The following PPARGC1A variants were observed in gnomAD, a reference collection of about 807,000 sequenced individuals.
The protein encoded by PPARGC1A is PPARG coactivator 1 alpha, also known as peroxisome proliferator-activated receptor gamma coactivator 1-alpha.
Under a neutral mutation model 88.7 loss-of-function variants are expected in PPARGC1A, and 25 were observed. The observed-to-expected ratio is 0.28, with a 90% CI of 0.21 to 0.39. The LOEUF (loss-of-function observed/expected upper bound fraction) is 0.39. Among genes scored for constraint, PPARGC1A ranks in the 10% least tolerant of loss-of-function variants. PPARGC1A has a pLI of 1.00. For synonymous variants in PPARGC1A, 363 were observed against 355.6 expected (o/e 1.02, Z -0.24); for missense variants, 880 against 968.7 (o/e 0.91, Z 1.22).
the PPARGC1A span, among the ~76,000 whole-genome samples, chr4:24,081,714 C>T: frequency 6.6e-6 from 1 of 151,876 alleles, no homozygotes; most frequent in Non-Finnish European, 1.5e-5. Context: ...AATTGATTCG[C>T]ACTAATGAGG....
the PPARGC1A span, among the ~76,000 whole-genome samples, chr4:24,189,176 T>C: frequency 6.6e-6 from 1 of 152,222 alleles, no homozygotes; most frequent in African/African-American, 2.4e-5. Flanking sequence ...AAATCATCTG[T>C]TAGAGCTTCA....
chr4:24,313,635 G>A, the PPARGC1A span, among the ~76,000 whole-genome samples: 3 of 152,158 alleles, frequency 2.0e-5, no homozygotes, highest in Non-Finnish European at 1.5e-5. Context: ...CAAGAGAAGG[G>A]AGCTTTCATC....
the PPARGC1A span, among the ~76,000 whole-genome samples, chr4:24,434,719 G>C: frequency 6.6e-6 from 1 of 152,194 alleles, no homozygotes; most frequent in African/African-American, 2.4e-5. Context: ...CATAAACGCA[G>C]ATTGCCCCTC....
chr4:24,327,870 G>T, the PPARGC1A span, among the ~76,000 whole-genome samples: 8 of 152,136 alleles, frequency 5.3e-5, no homozygotes, highest in Non-Finnish European at 1.2e-4. Context: ...CCTGTGACTT[G>T]CACGTGTATG....
the PPARGC1A span, among the ~76,000 whole-genome samples, chr4:24,193,984 C>T: frequency 1.3e-5 from 2 of 152,096 alleles, no homozygotes; most frequent in African/African-American, 4.8e-5. Flanking sequence ...CAAAAATTAG[C>T]CAGGCTTGGT....
rs1300495087 is a variant in PPARGC1A at position 23,829,574 on chromosome 4, G to A, written c.441C>T (p.Leu147=). ...EAEEPSLLKK[L]LLAPANTQLS... Reference sequence around the variant, plus strand: ...GCTGAGTGTTGGCTGGTGCCAGTAAGAGCTTCTTAAGCTAGAAACATTATC... The same window carrying A: ...GCTGAGTGTTGGCTGGTGCCAGTAAAAGCTTCTTAAGCTAGAAACATTATC... The change falls in exon 4 of 13, where the codon CTC becomes CTT. Residue 147 remains leucine, a synonymous_variant. Coordinates refer to ENST00000264867, the MANE Select transcript of PPARGC1A (RefSeq NM_013261.5). 1 of 1,611,668 alleles carries A rather than the reference G, an allele frequency of 6.2e-7. No individual in the cohort carries two copies. Among genetic ancestry groups the A allele is most frequent in the East Asian group, 2.2e-5 (1 of 44,862 alleles).
At chr4:23,876,727 T>C (rs1459049395) in intron 2 of PPARGC1A, among the ~76,000 whole-genome samples, 5 of 151,910 alleles carry the variant, frequency 3.3e-5, no homozygotes, top group Non-Finnish European at 7.4e-5. Context: ...AAAAAGCTAG[T>C]TTAAAAAAAC....
chr4:24,388,881 ATGGG>A, the PPARGC1A span, among the ~76,000 whole-genome samples: 1 of 152,164 alleles, frequency 6.6e-6, no homozygotes, highest in Admixed American at 6.5e-5. Context: ...TGACGGGTTG[ATGGG>A]TGCAGCAAAC....
chr4:24,047,909 G>A, the PPARGC1A span, among the ~76,000 whole-genome samples: 14 of 152,272 alleles, frequency 9.2e-5, no homozygotes, highest in African/African-American at 3.4e-4. Flanking sequence ...CACTTAAAAT[G>A]TTTTCTTTCT....
the PPARGC1A span, among the ~76,000 whole-genome samples, chr4:24,121,680 C>A: frequency 6.6e-6 from 1 of 152,302 alleles, no homozygotes; most frequent in Non-Finnish European, 1.5e-5. Context: ...TTTTAAATAG[C>A]ATCTCCTCTC....
At chr4:24,259,663 T>C in the PPARGC1A span, among the ~76,000 whole-genome samples, 3 of 152,350 alleles carry the variant, frequency 2.0e-5, no homozygotes, top group Middle Eastern at 0.01. Context: ...CAATAGTATA[T>C]ACAGGGAATT....
the PPARGC1A span, among the ~76,000 whole-genome samples, chr4:24,221,807 G>T: frequency 1.7e-5 from 1 of 60,226 alleles, no homozygotes; most frequent in Non-Finnish European, 5.9e-5. Flanking sequence ...GCTTGACAAT[G>T]AATGGAATTG....
the PPARGC1A span, among the ~76,000 whole-genome samples, chr4:24,286,470 G>A: frequency 1.3e-5 from 2 of 152,184 alleles, no homozygotes; most frequent in Non-Finnish European, 2.9e-5. Context: ...TGGCTCCCAA[G>A]AGAAGTTTAC....
chr4:23,797,794 C>T (rs1325680468), intron 12 of PPARGC1A, among the ~76,000 whole-genome samples: 1 of 152,130 alleles, frequency 6.6e-6, no homozygotes, highest in Non-Finnish European at 1.5e-5. Context: ...CAATTTCTCT[C>T]CCGCTAATGA....
At chr4:24,156,504 A>G in the PPARGC1A span, among the ~76,000 whole-genome samples, 2 of 152,172 alleles carry the variant, frequency 1.3e-5, no homozygotes, top group Non-Finnish European at 2.9e-5. Context: ...GAGAAGATCA[A>G]TCACTCGTGG....
the PPARGC1A span, among the ~76,000 whole-genome samples, chr4:23,969,222 TAG>T: frequency 6.6e-6 from 1 of 152,206 alleles, no homozygotes; most frequent in East Asian, 1.9e-4. Context: ...AATGTCTGTT[TAG>T]AGTCTTTAGG....
the PPARGC1A span, among the ~76,000 whole-genome samples, chr4:24,328,059 A>T: frequency 6.6e-6 from 1 of 150,628 alleles, no homozygotes; most frequent in East Asian, 2.0e-4. Context: ...GTAATTTTCC[A>T]TTACTTTCCC....
the PPARGC1A span, among the ~76,000 whole-genome samples, chr4:24,008,522 T>C: frequency 6.6e-6 from 1 of 152,166 alleles, no homozygotes; most frequent in African/African-American, 2.4e-5. Context: ...AGGGAAAACA[T>C]AAAACTTCAA....
the PPARGC1A span, among the ~76,000 whole-genome samples, chr4:23,995,702 T>C: frequency 6.6e-6 from 1 of 152,052 alleles, no homozygotes; most frequent in Non-Finnish European, 1.5e-5. Flanking sequence ...GTTCCTTCTG[T>C]GGGGGAAGTC....
Sources: gnomAD v4.1 joint callset for allele counts (sites outside exome capture counted in the v4.1 genomes callset) on GRCh38, gnomAD v4.1.1 for gene constraint, MANE v1.5 for transcripts, NCBI Gene and HGNC (gene_info 2026-07-23, HGNC 2026-07-21) for gene names.